The following GPR158 variants were observed in gnomAD, a reference collection of about 807,000 sequenced individuals.
The protein encoded by GPR158 is G protein-coupled receptor 158.
In GPR158, 30 loss-of-function variants were observed where a neutral mutation model predicts 78.2. That is an observed-to-expected ratio of 0.38 (90% CI 0.29 to 0.52). GPR158 has a LOEUF of 0.52. GPR158 is among the 20% of genes least tolerant of loss of function. GPR158 has a pLI of 0.83. For synonymous variants in GPR158, 581 were observed against 591.1 expected, an observed-to-expected ratio of 0.98 and a Z score of 0.25; for missense variants, 1,463 against 1,523.5, an observed-to-expected ratio of 0.96 and a Z score of 0.66.
intron 2 of GPR158, among the ~76,000 whole-genome samples, chr10:25,298,201 A>G (rs1198951288): frequency 6.6e-6 from 1 of 152,226 alleles, no homozygotes; most frequent in Non-Finnish European, 1.5e-5. Context: ...AGAGTTCTAC[A>G]TGTTAGAATC....
At chr10:25,177,259 C>T (rs1402214970) in intron 1 of GPR158, among the ~76,000 whole-genome samples, 2 of 152,008 alleles carry the variant, frequency 1.3e-5, no homozygotes, top group East Asian at 1.9e-4. Context: ...ACCTTTGAGG[C>T]GGGGAATTTC....
chr10:25,539,551 G>T (rs931541623), intron 5 of GPR158, among the ~76,000 whole-genome samples: 9 of 147,460 alleles, frequency 6.1e-5, no homozygotes, highest in Non-Finnish European at 1.2e-4. Context: ...ATTTTCAGGT[G>T]TATTCTATGG....
At chr10:25,204,779 A>G (rs1852994395) in intron 1 of GPR158, among the ~76,000 whole-genome samples, 1 of 137,360 alleles carries the variant, frequency 7.3e-6, no homozygotes, top group African/African-American at 2.8e-5. Flanking sequence ...TAAGTTTCCT[A>G]GTTTGTGTGC....
rs76179237 is a variant in GPR158 at position 25,240,557 on chromosome 10, T to C, written c.1008+19400T>C. On this transcript the variant is annotated intron_variant, in intron 2 of 10. Coordinates refer to ENST00000376351, the MANE Select transcript of GPR158 (RefSeq NM_020752.3). Reference sequence around the variant, plus strand: ...GCATCAGGATGCACGCCTTTAAGAATAGGAAGAATTTTGATTAGAAATGAT... The same window carrying C: ...GCATCAGGATGCACGCCTTTAAGAACAGGAAGAATTTTGATTAGAAATGAT... Among the ~76,000 whole-genome samples the C allele has an allele frequency of 7.5e-3, 1,141 of 152,230 alleles. 5 individuals carry two copies. The highest frequency in any genetic ancestry group is 0.013 in the Non-Finnish European group (884 of 68,006).
chr10:25,436,229 G>T (rs1019078162), intron 4 of GPR158, among the ~76,000 whole-genome samples: 4 of 152,164 alleles, frequency 2.6e-5, no homozygotes, highest in African/African-American at 9.7e-5. Flanking sequence ...AGCATTATTT[G>T]TTGTTTATCT....
intron 4 of GPR158, among the ~76,000 whole-genome samples, chr10:25,423,805 T>C (rs2130565277): frequency 6.6e-6 from 1 of 152,332 alleles, no homozygotes; most frequent in Admixed American, 6.5e-5. Context: ...TTGGGTTGGT[T>C]CCAAGTCTTT....
At chr10:25,366,752 A>G (rs1014635944) in intron 2 of GPR158, among the ~76,000 whole-genome samples, 7 of 151,694 alleles carry the variant, frequency 4.6e-5, no homozygotes, top group Non-Finnish European at 1.0e-4. Context: ...GCCACTGGTA[A>G]TCACCATTCT....
chr10:25,562,678 T>C (rs1414552677), intron 6 of GPR158, among the ~76,000 whole-genome samples: 3 of 152,178 alleles, frequency 2.0e-5, no homozygotes, highest in Non-Finnish European at 4.4e-5. Context: ...TTGAGACTGG[T>C]TTTGTGGTCT....
chr10:25,541,270 A>T (rs1401910777), intron 5 of GPR158, among the ~76,000 whole-genome samples: 2 of 151,952 alleles, frequency 1.3e-5, no homozygotes, highest in Non-Finnish European at 2.9e-5. Context: ...CAAATTGCTT[A>T]TTTGTTCTTA....
chr10:25,523,420 G>GC (rs1268504883), intron 5 of GPR158, among the ~76,000 whole-genome samples: 1 of 152,198 alleles, frequency 6.6e-6, no homozygotes, highest in Non-Finnish European at 1.5e-5. Flanking sequence ...CTTGACTGCA[G>GC]CCCCCTCTAG....
chr10:25,383,121 C>T (rs1350959960), intron 2 of GPR158, among the ~76,000 whole-genome samples: 2 of 152,142 alleles, frequency 1.3e-5, no homozygotes, highest in East Asian at 1.9e-4. Flanking sequence ...AGGCATGAGC[C>T]GCCGCTCCCG....
chr10:25,482,089 A>C (rs1835669695), intron 5 of GPR158, among the ~76,000 whole-genome samples: 1 of 152,036 alleles, frequency 6.6e-6, no homozygotes, highest in South Asian at 2.1e-4. Flanking sequence ...TACATCAACA[A>C]AGATGACATG....
intron 5 of GPR158, among the ~76,000 whole-genome samples, chr10:25,494,146 G>A (rs1431901537): frequency 6.6e-6 from 1 of 152,128 alleles, no homozygotes; most frequent in Non-Finnish European, 1.5e-5. Context: ...AAAAAAGAGA[G>A]GGAGAGGAAA....
chr10:25,399,600 G>T (rs2130533651), intron 3 of GPR158, among the ~76,000 whole-genome samples: 2 of 152,234 alleles, frequency 1.3e-5, no homozygotes, highest in South Asian at 4.1e-4. Context: ...GGGGACCACT[G>T]CAGTAAAGTA....
At chr10:25,197,916 C>A (rs1408765593) in intron 1 of GPR158, among the ~76,000 whole-genome samples, 1 of 152,118 alleles carries the variant, frequency 6.6e-6, no homozygotes, top group East Asian at 1.9e-4. Context: ...ATGGTCATAT[C>A]CAAAGAGGTT....
chr10:25,358,996 A>G (rs1052426690), intron 2 of GPR158, among the ~76,000 whole-genome samples: 1 of 144,900 alleles, frequency 6.9e-6, no homozygotes, highest in African/African-American at 2.9e-5. Flanking sequence ...GTAATGGTCA[A>G]GTATTCTGTT....
At chr10:25,517,490 A>G (rs1206946341) in intron 5 of GPR158, among the ~76,000 whole-genome samples, 1 of 152,096 alleles carries the variant, frequency 6.6e-6, no homozygotes, top group Non-Finnish European at 1.5e-5. Flanking sequence ...CCCATTCAGT[A>G]TGATATAGGC....
chr10:25,422,766 C>T (rs1216454542), intron 4 of GPR158, among the ~76,000 whole-genome samples: 1 of 151,332 alleles, frequency 6.6e-6, no homozygotes, highest in African/African-American at 2.4e-5. Flanking sequence ...CGAATAAGTT[C>T]TTTAGTGGTG....
Position 25,601,826 on chromosome 10 carries a change from G to A in GPR158, c.*2552G>A, listed in dbSNP as rs1175673100. On this transcript the variant is annotated 3_prime_UTR_variant, in exon 11 of 11. Transcript: ENST00000376351. ...CATCCTGTCCTTGTTTTTAAGCCAG[G>A]GTTTATAAATAAGTAGATTTATACC... The A allele has an allele frequency of 1.3e-5, 2 of 152,306 alleles. No individual in the cohort carries two copies. The allele number at this position is 152,306 out of a possible 1,614,324, so 9.4% of individuals were successfully genotyped here. A position where few individuals can be genotyped will look rare whatever the true frequency, so the allele number is the denominator to read the frequency against.
Sources: gnomAD v4.1 joint callset for allele counts (sites outside exome capture counted in the v4.1 genomes callset) on GRCh38, gnomAD v4.1.1 for gene constraint, MANE v1.5 for transcripts, NCBI Gene and HGNC (gene_info 2026-07-23, HGNC 2026-07-21) for gene names.